Variants in TAAR2 observed in about 807,000 individuals in gnomAD.
The protein encoded by TAAR2 is trace amine associated receptor 2, also known as trace amine-associated receptor 2.
In TAAR2, 30 loss-of-function variants were observed where a neutral mutation model predicts 25.5. That is an observed-to-expected ratio of 1.18 (90% CI 0.88 to 1.60). The LOEUF (loss-of-function observed/expected upper bound fraction) is 1.60. Ranked by LOEUF, TAAR2 falls within the 40% of genes most tolerant of loss-of-function variation. The pLI is 0.00. For synonymous variants in TAAR2, 150 were observed against 142.4 expected (o/e 1.05, Z -0.38); for missense variants, 481 against 416.5 (o/e 1.15, Z -1.35).
At chr6:132,618,320 G>T in intron 1 of TAAR2, 175 bp from the exon 2 acceptor site, 1 of 774,230 alleles carries the variant, frequency 1.3e-6, no homozygotes, top group Non-Finnish European at 1.9e-6. Flanking sequence ...TTGTAATTTT[G>T]TAGAATTGTA....
chr6:132,621,807 G>A (rs1697291757), intron 1 of TAAR2, among the ~76,000 whole-genome samples: 1 of 152,014 alleles, frequency 6.6e-6, no homozygotes. Context: ...ACAAAGTATG[G>A]AGGGGTATAT....
chr6:132,617,437 CT>C lies in TAAR2; in HGVS notation c.768del (p.Asp257ThrfsTer8). 2 of 1,613,472 alleles carry C rather than the reference CT, an allele frequency of 1.2e-6. No individual in the cohort carries two copies. Among genetic ancestry groups the C allele is most frequent in the Admixed American group, 1.7e-5 (1 of 59,906 alleles). On this transcript the variant is annotated frameshift_variant, in exon 2 of 2. Coordinates refer to ENST00000367931, the MANE Select transcript of TAAR2 (RefSeq NM_001033080.1). LOFTEE classifies it high-confidence loss of function. ...LRENQNNQVK[K>X]DKKAAKTLGI... is the part of the protein sequence containing the mutation. ...CCTAAAGTTTTGGCAGCTTTTTTGTCTTTCTTCACTTGATTATTTTGATTTT... is the reference window on the plus strand; with the variant it reads ...CCTAAAGTTTTGGCAGCTTTTTTGTCTTCTTCACTTGATTATTTTGATTTT...
intron 1 of TAAR2, 167 bp from the exon 2 acceptor site, chr6:132,618,312 GT>G (rs1270877300): frequency 6.3e-6 from 5 of 789,656 alleles, no homozygotes; most frequent in Non-Finnish European, 9.5e-6. Flanking sequence ...ATCTTTATTT[GT>G]AATTTTGTAG....
rs750776989 is a variant in TAAR2, at chr6:132,617,495, T to C, written c.711A>G (p.Arg237=). 2.5e-6 allele frequency: 4 copies of C among 1,614,048 alleles called. No homozygotes were observed. Among genetic ancestry groups the C allele is most frequent in the East Asian group, 4.5e-5 (2 of 44,824 alleles). ...GIYGKIFAVS[R]KHAHAINNLR... ...AGTTATTGATGGCATGAGCATGTTT[T>C]CTGGATACTGCAAAAATTTTGCCAT... Residue 237 remains arginine, a synonymous_variant, in exon 2 of 2, where the codon AGA becomes AGG. Transcript: ENST00000367931.
Position 132,617,301 on chromosome 6 carries a change from C to G in TAAR2, c.905G>C (p.Trp302Ser). ...ACATGTGGAGTTAAAATAGCCAAAC[C>G]ATGTCAAGGCATCAAACAAAACTAC... The part of the protein sequence containing the change: ...TPVVLFDALT[W>S]FGYFNSTCNP... Residue 302 changes from tryptophan to serine, a missense_variant, in exon 2 of 2, where the codon TGG becomes TCG. Trp to Ser is a radical substitution (Grantham distance 177). Coordinates refer to ENST00000367931, the MANE Select transcript of TAAR2 (RefSeq NM_001033080.1). The G allele has an allele frequency of 6.2e-7, 1 of 1,613,596 alleles. No individual in the cohort carries two copies.
intron 1 of TAAR2, among the ~76,000 whole-genome samples, chr6:132,621,256 T>C (rs1777369033): frequency 6.6e-6 from 1 of 152,142 alleles, no homozygotes; most frequent in Admixed American, 6.5e-5. Flanking sequence ...TTTTTTTTCT[T>C]TTTCTTTTAC....
chr6:132,617,357 T>C lies in TAAR2; in HGVS notation c.849A>G (p.Leu283=). 1 of 1,613,630 alleles carries C rather than the reference T, an allele frequency of 6.2e-7. No individual in the cohort carries two copies. Among genetic ancestry groups the C allele is most frequent in the Non-Finnish European group, 8.5e-7 (1 of 1,179,848 alleles). Residue 283 remains leucine (L), a synonymous_variant, in exon 2 of 2, where the codon TTA becomes TTG. Coordinates refer to ENST00000367931, the MANE Select transcript of TAAR2 (RefSeq NM_001033080.1). ...LCWFPCFFTI[L]LDPFLNFSTP... ...TAGAGAAGTTCAAAAAGGGATCCAA[T>C]AAAATTGTGAAGAAACAAGGAAACC...
Position 132,618,008 on chromosome 6 carries a change from A to T in TAAR2, c.198T>A (p.Ile66=), listed in dbSNP as rs767340908. ...ITIFGNLAMI[I]SISYFKQLHT... ...GAAGCTGCTTGAAGTAGGAAATGGA[A>T]ATTATCATGGCAAGATTGCCAAATA... The change falls in exon 2 of 2, where the codon ATT becomes ATA. Residue 66 remains isoleucine, a synonymous_variant. Coordinates refer to ENST00000367931, the MANE Select transcript of TAAR2 (RefSeq NM_001033080.1). 2.5e-6 allele frequency: 4 copies of T among 1,614,038 alleles called. No individual in the cohort carries two copies. The Admixed American group carries it at 5.0e-5, about 20-fold the overall frequency.
intron 1 of TAAR2, among the ~76,000 whole-genome samples, chr6:132,621,736 A>G (rs1777377847): frequency 1.3e-5 from 2 of 152,282 alleles, no homozygotes; most frequent in South Asian, 4.1e-4. Context: ...CTAAGTACTA[A>G]CGTTCTTGAA....
In TAAR2 at chr6:132,617,389, A is replaced by G. The variant is rs201939529; in HGVS notation, c.817T>C (p.Leu273=). ...GTGAAGAAACAAGGAAACCAACATAATAAGAAAACTCCTATCACTATTCCT... is the reference window on the plus strand; with the variant it reads ...GTGAAGAAACAAGGAAACCAACATAGTAAGAAAACTCCTATCACTATTCCT... ...TLGIVIGVFL[L]CWFPCFFTIL... The change falls in exon 2 of 2, where the codon TTA becomes CTA. Residue 273 remains leucine, a synonymous_variant. Coordinates refer to ENST00000367931, the MANE Select transcript of TAAR2 (RefSeq NM_001033080.1). 1.8e-5 allele frequency: 29 copies of G among 1,613,824 alleles called. No homozygotes were observed. In the Middle Eastern group the frequency reaches 5.0e-4, roughly 28 times the overall value.
chr6:132,619,004 G>T (rs1206480109), intron 1 of TAAR2, among the ~76,000 whole-genome samples: 1 of 152,156 alleles, frequency 6.6e-6, no homozygotes, highest in Non-Finnish European at 1.5e-5. Flanking sequence ...TAATTATCTG[G>T]TAGAGTCAAT....
intron 1 of TAAR2, among the ~76,000 whole-genome samples, chr6:132,621,469 C>T (rs773798383): frequency 7.9e-5 from 12 of 151,954 alleles, no homozygotes; most frequent in Non-Finnish European, 1.6e-4. Flanking sequence ...CCTGTGTCCA[C>T]GTGTACTCTT....
chr6:132,618,569 G>A (rs947308728), intron 1 of TAAR2, among the ~76,000 whole-genome samples: 2 of 152,082 alleles, frequency 1.3e-5, no homozygotes, highest in East Asian at 1.9e-4. Flanking sequence ...GAACCCAGGA[G>A]GTGGAGGTTG....
intron 1 of TAAR2, among the ~76,000 whole-genome samples, chr6:132,621,542 A>G (rs956083423): frequency 2.0e-5 from 3 of 151,968 alleles, no homozygotes; most frequent in Admixed American, 6.6e-5. Context: ...ACAACAGTAT[A>G]TTTTAAGATT....
At chr6:132,620,897 C>G (rs1162410123) in intron 1 of TAAR2, among the ~76,000 whole-genome samples, 1 of 93,146 alleles carries the variant, frequency 1.1e-5, no homozygotes, top group Non-Finnish European at 2.1e-5. Context: ...AAAAAAAAGA[C>G]AGAAAGAAAA....
rs772371390 is a variant in TAAR2 at position 132,617,742 on chromosome 6, A to G, written c.464T>C (p.Ile155Thr). ...CAATCTTTTAATGACTGGAATAGTT[A>G]TTTTGGTGGAATAAAGTAATGGGTA... The part of the protein sequence containing the change: ...ICYPLLYSTK[I>T]TIPVIKRLLL... Residue 155 changes from isoleucine (I) to threonine (T), a missense_variant, in exon 2 of 2, where the codon ATA (isoleucine) becomes ACA (threonine). By Grantham distance (89) the Ile-to-Thr change is moderately conservative. Coordinates refer to ENST00000367931, the MANE Select transcript of TAAR2 (RefSeq NM_001033080.1). 2 of 1,614,048 alleles carry G rather than the reference A, an allele frequency of 1.2e-6. No individual in the cohort carries two copies. The highest frequency in any genetic ancestry group is 1.1e-5 in the South Asian group (1 of 91,086).
chr6:132,623,760 A>G (rs181805583), intron 1 of TAAR2, among the ~76,000 whole-genome samples: 3 of 151,988 alleles, frequency 2.0e-5, no homozygotes, highest in African/African-American at 2.4e-5. Flanking sequence ...TAACAGCTCA[A>G]TGAGCTTAAA....
Position 132,617,357 on chromosome 6 carries a change from T to G in TAAR2, c.849A>C (p.Leu283Phe). 6.2e-7 allele frequency: 1 copy of G among 1,613,630 alleles called. No individual in the cohort carries two copies. Among genetic ancestry groups the G allele is most frequent in the Non-Finnish European group, 8.5e-7 (1 of 1,179,848 alleles). The change falls in exon 2 of 2, where the codon TTA becomes TTC. Residue 283 changes from leucine to phenylalanine, a missense_variant. Leu to Phe is a conservative substitution (Grantham distance 22). Transcript: ENST00000367931. ...LCWFPCFFTI[L>F]LDPFLNFSTP... is the part of the protein sequence containing the mutation. ...TAGAGAAGTTCAAAAAGGGATCCAA[T>G]AAAATTGTGAAGAAACAAGGAAACC...
chr6:132,620,752 C>T (rs1397145319), intron 1 of TAAR2, among the ~76,000 whole-genome samples: 2 of 151,786 alleles, frequency 1.3e-5, no homozygotes, highest in Non-Finnish European at 2.9e-5. Context: ...TGTAACAAAC[C>T]TTCACATGTA....
Sources: gnomAD v4.1 joint callset for allele counts (sites outside exome capture counted in the v4.1 genomes callset) on GRCh38, gnomAD v4.1.1 for gene constraint, MANE v1.5 for transcripts, NCBI Gene and HGNC (gene_info 2026-07-23, HGNC 2026-07-21) for gene names.